The following ALKBH5 variants were observed in gnomAD, a reference collection of about 807,000 sequenced individuals.
The protein encoded by ALKBH5 is alkB homolog 5, RNA demethylase.
In ALKBH5, 2 loss-of-function variants were observed where a neutral mutation model predicts 32.1. The observed-to-expected ratio is 0.06, with a 90% CI of 0.03 to 0.20. The LOEUF is 0.20. Among genes scored for constraint, ALKBH5 ranks in the 10% least tolerant of loss-of-function variants. The pLI, the probability that ALKBH5 is intolerant of heterozygous loss-of-function variation, is 1.00. For missense variants in ALKBH5, 352 were observed against 559.5 expected, an observed-to-expected ratio of 0.63 and a Z score of 3.74; for synonymous variants, 300 against 231.7, an observed-to-expected ratio of 1.29 and a Z score of -2.68.
chr17:18,185,830 T>C (rs1020929214), intron 1 of ALKBH5, among the ~76,000 whole-genome samples: 1 of 152,218 alleles, frequency 6.6e-6, no homozygotes, highest in Non-Finnish European at 1.5e-5. Flanking sequence ...TTGCTGTTTA[T>C]GTGAAGTGAA....
Position 18,208,401 on chromosome 17 carries a change from A to G in ALKBH5, c.*5A>G. The G allele has an allele frequency of 7.4e-6, 12 of 1,611,592 alleles. No homozygotes were observed. The highest frequency in any genetic ancestry group is 9.3e-6 in the Non-Finnish European group (11 of 1,179,096). On this transcript the variant is annotated 3_prime_UTR_variant, in exon 4 of 4. Coordinates refer to ENST00000399138, the MANE Select transcript of ALKBH5 (RefSeq NM_017758.4). ...GTGAAGATGCGGCGGCACTGAGTCT[A>G]CCCGCCGCCCTCCTGGGAACTCTGG...
At chr17:18,202,342 T>C (rs11871491) in intron 2 of ALKBH5, among the ~76,000 whole-genome samples, 32,023 of 150,868 alleles carry the variant, frequency 0.21, 3,687 homozygotes, top group Middle Eastern at 0.32. Context: ...AAAACAGAAG[T>C]CTGATGTTGG....
intron 2 of ALKBH5, among the ~76,000 whole-genome samples, chr17:18,199,449 G>A (rs1032091355): frequency 4.6e-5 from 7 of 152,216 alleles, no homozygotes; most frequent in Admixed American, 4.6e-4. Flanking sequence ...TAGTGCTCCT[G>A]CACTAGTGCA....
rs1342137288 is a variant in ALKBH5, at chr17:18,209,764, A to G, written c.*1368A>G. 6.6e-6 allele frequency: 1 copy of G among 152,652 alleles called. No homozygotes were observed. The highest frequency in any genetic ancestry group is 2.4e-5 in the African/African-American group (1 of 41,470). 9.5% of individuals were successfully genotyped at this position (152,652 alleles called of 1,614,324 possible). A position where few individuals can be genotyped will look rare whatever the true frequency, so the allele number is the denominator to read the frequency against. On this transcript the variant is annotated 3_prime_UTR_variant, in exon 4 of 4. Coordinates refer to ENST00000399138, the MANE Select transcript of ALKBH5 (RefSeq NM_017758.4). ...CAGAAATCTGGGGCAGCCACCATCA[A>G]GAAGCCCCTCTCAGGGGCCAGAACT...
chr17:18,198,785 G>C (rs951891733), intron 2 of ALKBH5, among the ~76,000 whole-genome samples: 14 of 152,214 alleles, frequency 9.2e-5, no homozygotes, highest in African/African-American at 3.1e-4. Context: ...CTGTGAACAT[G>C]GGTGGTGCCA....
At chr17:18,188,894 C>G (rs2047156037) in intron 1 of ALKBH5, among the ~76,000 whole-genome samples, 1 of 152,030 alleles carries the variant, frequency 6.6e-6, no homozygotes, top group African/African-American at 2.4e-5. Flanking sequence ...TGGTAAAACC[C>G]CATCTCTACT....
rs2047289837 is a variant in ALKBH5, at chr17:18,209,176, A to T, written c.*780A>T. The T allele has an allele frequency of 6.5e-6, 1 of 152,844 alleles. No individual in the cohort carries two copies. The highest frequency in any genetic ancestry group is 1.5e-5 in the Non-Finnish European group (1 of 68,174). 9.5% of individuals were successfully genotyped at this position (152,844 alleles called of 1,614,324 possible). A position where few individuals can be genotyped will look rare whatever the true frequency, so the allele number is the denominator to read the frequency against. On this transcript the variant is annotated 3_prime_UTR_variant, in exon 4 of 4. Coordinates refer to ENST00000399138, the MANE Select transcript of ALKBH5 (RefSeq NM_017758.4). ...GCATATGCGTGTGATTATTTGGAAC[A>T]GTTAGACTTGCCACGTTGGGTCAGT...
chr17:18,196,547 G>A (rs1468866301), intron 2 of ALKBH5, among the ~76,000 whole-genome samples: 1 of 152,186 alleles, frequency 6.6e-6, no homozygotes, highest in Middle Eastern at 3.4e-3. Flanking sequence ...ATATTGACTG[G>A]TTAGGTATTG....
chr17:18,188,636 C>T (rs1049930840), intron 1 of ALKBH5, among the ~76,000 whole-genome samples: 2 of 152,182 alleles, frequency 1.3e-5, no homozygotes, highest in African/African-American at 4.8e-5. Context: ...TCAGGAGGAG[C>T]TCTGGGCCAG....
At chr17:18,192,826 A>ACTGTAGAC (rs2142474864) in intron 1 of ALKBH5, among the ~76,000 whole-genome samples, 1 of 149,794 alleles carries the variant, frequency 6.7e-6, no homozygotes, top group South Asian at 2.1e-4. Flanking sequence ...AATTGATTTC[A>ACTGTAGAC]CTGTAGACAT....
chr17:18,193,078 G>A (rs1345446756), intron 1 of ALKBH5, among the ~76,000 whole-genome samples: 1 of 151,804 alleles, frequency 6.6e-6, no homozygotes, highest in Non-Finnish European at 1.5e-5. Flanking sequence ...GACTGGTTAC[G>A]AACTCCTAAC....
chr17:18,183,866 C>T lies in ALKBH5; in HGVS notation c.-378C>T, dbSNP rs1272656985. ...AGGAGCGGCGCTGGCGGACGTCGGG[C>T]TGGCTGCCCGTGACGTCGTGCGGAG... is the stretch of plus-strand genomic sequence containing the variant. On this transcript the variant is annotated 5_prime_UTR_variant, in exon 1 of 4. Coordinates refer to ENST00000399138, the MANE Select transcript of ALKBH5 (RefSeq NM_017758.4). The T allele has an allele frequency of 2.2e-5, 8 of 355,612 alleles. No individual in the cohort carries two copies. The highest frequency in any genetic ancestry group is 1.1e-4 in the East Asian group (1 of 8,794). The allele number at this position is 355,612 out of a possible 1,614,324, so 22.0% of individuals were successfully genotyped here.
chr17:18,190,539 ACT>A, intron 1 of ALKBH5, among the ~76,000 whole-genome samples: 1 of 137,556 alleles, frequency 7.3e-6, no homozygotes, highest in East Asian at 2.1e-4. Flanking sequence ...ACAGAGTGGG[ACT>A]CTGTTTCCGA....
At chr17:18,189,211 A>C (rs1234947599) in intron 1 of ALKBH5, among the ~76,000 whole-genome samples, 2 of 152,066 alleles carry the variant, frequency 1.3e-5, no homozygotes, top group African/African-American at 4.8e-5. Context: ...CCCTGTCTCT[A>C]CTAAAAATAC....
In ALKBH5 at chr17:18,208,298, A is replaced by C. The variant is rs754292160; in HGVS notation, c.1087A>C (p.Ser363Arg). ...CACACACCGGCGGAGGGGTAGCTTCAGCTCTGAGAACTACTGGCGCAAGTC... is the reference window on the plus strand; with the variant it reads ...CACACACCGGCGGAGGGGTAGCTTCCGCTCTGAGAACTACTGGCGCAAGTC... ...LPTHRRRGSFSSENYWRKSYE... is the reference protein window; with the variant it reads ...LPTHRRRGSFRSENYWRKSYE... Residue 363 changes from serine to arginine, a missense_variant, in exon 4 of 4, where the codon AGC becomes CGC. Coordinates refer to ENST00000399138, the MANE Select transcript of ALKBH5 (RefSeq NM_017758.4). 6.2e-7 allele frequency: 1 copy of C among 1,614,120 alleles called. No homozygotes were observed. Among genetic ancestry groups the C allele is most frequent in the Admixed American group, 1.7e-5 (1 of 60,016 alleles).
At chr17:18,200,926 A>G (rs2047232733) in intron 2 of ALKBH5, among the ~76,000 whole-genome samples, 1 of 152,228 alleles carries the variant, frequency 6.6e-6, no homozygotes, top group African/African-American at 2.4e-5. Flanking sequence ...GGAGCCGTGG[A>G]GGCATGTGAG....
chr17:18,192,211 G>C (rs2047180023), intron 1 of ALKBH5, among the ~76,000 whole-genome samples: 1 of 152,182 alleles, frequency 6.6e-6, no homozygotes, highest in Non-Finnish European at 1.5e-5. Flanking sequence ...GGATAGTCCA[G>C]GGCCCTCTGA....
intron 2 of ALKBH5, among the ~76,000 whole-genome samples, chr17:18,206,282 G>A (rs559588325): frequency 3.3e-5 from 5 of 152,300 alleles, no homozygotes; most frequent in Admixed American, 1.3e-4. Flanking sequence ...ACTGCTCATG[G>A]TTGTGGAGTG....
At chr17:18,186,903 G>A (rs568419199) in intron 1 of ALKBH5, among the ~76,000 whole-genome samples, 1 of 152,234 alleles carries the variant, frequency 6.6e-6, no homozygotes, top group South Asian at 2.1e-4. Flanking sequence ...TGGGGATGAT[G>A]CCAACTTCCA....
Sources: gnomAD v4.1 joint callset for allele counts (sites outside exome capture counted in the v4.1 genomes callset) on GRCh38, gnomAD v4.1.1 for gene constraint, MANE v1.5 for transcripts, NCBI Gene and HGNC (gene_info 2026-07-23, HGNC 2026-07-21) for gene names.